The following CTSK variants were observed in gnomAD, a reference collection of about 807,000 sequenced individuals.
CTSK encodes the protein cathepsin K.
A neutral mutation model predicts 40.5 loss-of-function variants in CTSK; 26 were observed. The observed-to-expected ratio is 0.64, with a 90% confidence interval of 0.47 to 0.89. The LOEUF is 0.89. Among genes scored for constraint, CTSK ranks in the 40% least tolerant of loss-of-function variants. The probability of loss-of-function intolerance (pLI) is 0.00; values close to 1 mark genes in which losing one functional copy is unlikely to be tolerated. For missense variants in CTSK, 292 were observed against 400.1 expected (o/e 0.73, Z 2.30); for synonymous variants, 132 against 143.2 (o/e 0.92, Z 0.56).
chr1:150,806,842 T>C, intron 1 of CTSK, 36 bp from the exon 2 acceptor site: 1 of 1,611,080 alleles, frequency 6.2e-7, no homozygotes, highest in Non-Finnish European at 8.5e-7. Context: ...ACTCTTCCAT[T>C]TGGCAGGGAA....
At chr1:150,803,426 T>C (rs1654030079) in intron 5 of CTSK, among the ~76,000 whole-genome samples, 1 of 152,208 alleles carries the variant, frequency 6.6e-6, no homozygotes, top group Non-Finnish European at 1.5e-5. Flanking sequence ...CAGAGGTTTC[T>C]GTTGTGAAGG....
At chr1:150,804,738 G>A (rs1302201603) in intron 4 of CTSK, among the ~76,000 whole-genome samples, 2 of 152,084 alleles carry the variant, frequency 1.3e-5, no homozygotes, top group African/African-American at 4.8e-5. Context: ...TGAGGACACA[G>A]GTTGTGTCTT....
At chr1:150,800,685 ATCTACTAC>A (rs1389068846) in intron 5 of CTSK, 1 of 201,046 alleles carries the variant, frequency 5.0e-6, no homozygotes, top group African/African-American at 2.3e-5. Context: ...AGAACTTATT[ATCTACTAC>A]TCAGCAGGCT....
At chr1:150,807,148 T>A in intron 1 of CTSK, 1 of 434,254 alleles carries the variant, frequency 2.3e-6, no homozygotes, top group Non-Finnish European at 4.5e-6. Flanking sequence ...AAATGGGGGA[T>A]AGAAACTGGA....
rs755492265 is a variant in CTSK at position 150,803,989 on chromosome 1, C to CAG, written c.618+30_618+31dup. On this transcript the variant is annotated intron_variant, in intron 5 of 7. Coordinates refer to ENST00000271651, the MANE Select transcript of CTSK (RefSeq NM_000396.4). ...ATCATGCTGGGGAAGGAGGAGCCAACAGAGCTGTATAATTGTGTGGAGCAA... is the reference window on the plus strand; with the variant it reads ...ATCATGCTGGGGAAGGAGGAGCCAACAGAGAGCTGTATAATTGTGTGGAGCAA... 5 of 1,562,810 alleles carry CAG rather than the reference C, an allele frequency of 3.2e-6. No individual in the cohort carries two copies. The South Asian group carries it at 5.6e-5, about 17-fold the overall frequency.
chr1:150,801,236 C>T (rs945060209), intron 5 of CTSK, among the ~76,000 whole-genome samples: 3 of 152,032 alleles, frequency 2.0e-5, no homozygotes, highest in Non-Finnish European at 2.9e-5. Context: ...GAGCAATTCT[C>T]CTGCCTCAGC....
intron 7 of CTSK, among the ~76,000 whole-genome samples, chr1:150,797,163 C>T (rs1352423835): frequency 2.0e-5 from 3 of 152,092 alleles, no homozygotes; most frequent in Admixed American, 6.6e-5. Context: ...AGTAGAATTT[C>T]GACCTGTGGG....
At chr1:150,798,583 T>C (rs779920768) in intron 7 of CTSK, among the ~76,000 whole-genome samples, 7 of 152,164 alleles carry the variant, frequency 4.6e-5, no homozygotes, top group South Asian at 2.1e-4. Flanking sequence ...TTGAGCACTA[T>C]TGTCTGGCGG....
At chr1:150,803,304 A>T (rs12085336) in intron 5 of CTSK, among the ~76,000 whole-genome samples, 54,074 of 152,080 alleles carry the variant, frequency 0.36, 9,993 homozygotes, top group South Asian at 0.54. Flanking sequence ...AAGTCTACCT[A>T]ACAGAGTTGT....
chr1:150,798,835 C>A (rs587700630), intron 7 of CTSK, among the ~76,000 whole-genome samples: 7 of 152,224 alleles, frequency 4.6e-5, no homozygotes, highest in Admixed American at 4.6e-4. Context: ...CATGCCTGCT[C>A]CCTCTTTTGC....
chr1:150,799,910 C>A (rs1354550128), intron 5 of CTSK, among the ~76,000 whole-genome samples: 1 of 152,016 alleles, frequency 6.6e-6, no homozygotes, highest in African/African-American at 2.4e-5. Flanking sequence ...TAAAAACCAA[C>A]TACAGGCCAG....
At chr1:150,805,704 G>A (rs1379565475) in intron 4 of CTSK, among the ~76,000 whole-genome samples, 157 bp downstream of exon 4, 1 of 139,570 alleles carries the variant, frequency 7.2e-6, no homozygotes, top group Non-Finnish European at 1.6e-5. Flanking sequence ...CAAATGTACA[G>A]AAACAAATGA....
intron 5 of CTSK, 90 bp from the exon 6 acceptor site, chr1:150,799,799 C>T (rs1653951267): frequency 2.5e-6 from 3 of 1,204,316 alleles, no homozygotes; most frequent in Non-Finnish European, 2.5e-6. Flanking sequence ...TTGAGTGATG[C>T]CAGTGAACTA....
chr1:150,805,164 T>C (rs1354895622), intron 4 of CTSK, among the ~76,000 whole-genome samples: 1 of 134,056 alleles, frequency 7.5e-6, no homozygotes, highest in African/African-American at 2.9e-5. Flanking sequence ...CAGTGAGCCA[T>C]GATTGCGCCA....
chr1:150,807,238 G>T (rs1432669418), intron 1 of CTSK: 4 of 473,356 alleles, frequency 8.5e-6, no homozygotes, highest in South Asian at 6.2e-5. Context: ...TGGTAGTGGG[G>T]TTCAGAATAC....
intron 5 of CTSK, among the ~76,000 whole-genome samples, chr1:150,800,171 T>C (rs1194908718): frequency 9.3e-6 from 1 of 107,702 alleles, no homozygotes; most frequent in East Asian, 3.1e-4. Flanking sequence ...CACTCCAGCC[T>C]GGGCGAGAGC....
At position 150,805,897 on chromosome 1, in the gene CTSK, A is replaced by G. The variant is rs1162393234; in HGVS notation, c.363T>C (p.Tyr121=). ...WEGRAPDSVD[Y]RKKGYVTPVK... ...CAGGAGTAACATATCCTTTCTTTCG[A>G]TAGTCGACAGAGTCTGGGGCTCTAC... The change falls in exon 4 of 8, where the codon TAT becomes TAC. Residue 121 remains tyrosine, a synonymous_variant. Coordinates refer to ENST00000271651, the MANE Select transcript of CTSK (RefSeq NM_000396.4). 2 of 1,614,170 alleles carry G rather than the reference A, an allele frequency of 1.2e-6. No homozygotes were observed. Among genetic ancestry groups the G allele is most frequent in the Admixed American group, 1.7e-5 (1 of 60,012 alleles).
Position 150,804,033 on chromosome 1 carries a change from T to G in CTSK, c.606A>C (p.Pro202=). ...NRGIDSEDAY[P]YVGQEESCMY... ...GGAGCAATCTCACCTGTCCCACATA[T>G]GGGTAGGCATCTTCAGAGTCAATAC... Residue 202 remains proline, a synonymous_variant, in exon 5 of 8, where the codon CCA becomes CCC. Transcript: ENST00000271651. 6.2e-7 allele frequency: 1 copy of G among 1,614,118 alleles called. No homozygotes were observed. Among genetic ancestry groups the G allele is most frequent in the Non-Finnish European group, 8.5e-7 (1 of 1,179,956 alleles).
At chr1:150,799,298 G>A (rs1276425508) in intron 6 of CTSK, 25 bp from the exon 7 acceptor site, 4 of 1,528,026 alleles carry the variant, frequency 2.6e-6, no homozygotes, top group African/African-American at 1.4e-5. Flanking sequence ...ACCAGCGTGA[G>A]GCTCTATGCA....
Sources: gnomAD v4.1 joint callset for allele counts (sites outside exome capture counted in the v4.1 genomes callset) on GRCh38, gnomAD v4.1.1 for gene constraint, MANE v1.5 for transcripts, NCBI Gene and HGNC (gene_info 2026-07-23, HGNC 2026-07-21) for gene names.